EPB41L4A: variants seen among roughly 807,000 people sequenced by gnomAD.
EPB41L4A encodes band 4.1-like protein 4A.
EPB41L4A carries 100 observed loss-of-function variants against 108.6 expected under a neutral mutation model. The ratio of observed to expected loss-of-function variants is 0.92; its 90% CI spans 0.78 to 1.09. The LOEUF (loss-of-function observed/expected upper bound fraction) is 1.09, where lower values mean the gene tolerates loss of function less well. EPB41L4A is among the 50% of genes least tolerant of loss of function. The pLI, the probability that EPB41L4A is intolerant of heterozygous loss-of-function variation, is 0.00. For synonymous variants in EPB41L4A, 319 were observed against 289.0 expected, an observed-to-expected ratio of 1.10 and a Z score of -1.05; for missense variants, 1,030 against 842.7, an observed-to-expected ratio of 1.22 and a Z score of -2.75.
At chr5:112,251,363 T>A (rs190362826) in intron 9 of EPB41L4A, among the ~76,000 whole-genome samples, 1 of 152,242 alleles carries the variant, frequency 6.6e-6, no homozygotes, top group East Asian at 1.9e-4. Context: ...TGTAAAATAT[T>A]GAAAACTTTT....
chr5:112,373,713 T>C (rs1268518778), intron 1 of EPB41L4A, among the ~76,000 whole-genome samples: 1 of 152,162 alleles, frequency 6.6e-6, no homozygotes, highest in Non-Finnish European at 1.5e-5. Context: ...GTCCCCACTT[T>C]TGAGCTACAC....
At chr5:112,173,534 G>C (rs2150209932) in intron 18 of EPB41L4A, 1 of 138,370 alleles carries the variant, frequency 7.2e-6, no homozygotes, top group African/African-American at 2.7e-5. Context: ...TAGTTATCAG[G>C]AAAAAAAATA....
chr5:112,318,040 G>T (rs546492559), intron 1 of EPB41L4A, among the ~76,000 whole-genome samples: 22 of 152,234 alleles, frequency 1.4e-4, no homozygotes, highest in African/African-American at 5.3e-4. Flanking sequence ...TTAGATACCT[G>T]GAAAGCCAGT....
At chr5:112,351,062 A>C (rs1758011024) in intron 1 of EPB41L4A, among the ~76,000 whole-genome samples, 1 of 152,174 alleles carries the variant, frequency 6.6e-6, no homozygotes, top group Non-Finnish European at 1.5e-5. Flanking sequence ...AGGAAGAGAA[A>C]AATCTCCAAG....
chr5:112,408,221 C>T (rs914034895), intron 1 of EPB41L4A, among the ~76,000 whole-genome samples: 2 of 151,832 alleles, frequency 1.3e-5, no homozygotes, highest in Non-Finnish European at 2.9e-5. Flanking sequence ...GGTCATAGAC[C>T]TAAATGTAAG....
Position 112,211,319 on chromosome 5 carries a change from C to G in EPB41L4A, c.1088-1337G>C, listed in dbSNP as rs1043476754. 2.0e-5 allele frequency among the ~76,000 whole-genome samples: 3 copies of G among 152,290 alleles called. No individual in the cohort carries two copies. In the East Asian group the frequency reaches 5.8e-4, roughly 29 times the overall value. On this transcript the variant is annotated intron_variant, in intron 12 of 22. Transcript: ENST00000261486. ...GGCAAGTGGGCCAGGCGCAGTGGCT[C>G]ACGCCTGTCATCCCAGCACTTTGGG...
intron 1 of EPB41L4A, among the ~76,000 whole-genome samples, chr5:112,361,488 C>T (rs1234792507): frequency 1.3e-5 from 2 of 150,170 alleles, no homozygotes; most frequent in African/African-American, 4.9e-5. Flanking sequence ...AAATCCCCCT[C>T]TCCGAGAAAC....
chr5:112,337,734 C>T (rs1241397763), intron 1 of EPB41L4A, among the ~76,000 whole-genome samples: 1 of 152,126 alleles, frequency 6.6e-6, no homozygotes, highest in African/African-American at 2.4e-5. Flanking sequence ...AACAAAAGCC[C>T]TATCTGACCC....
intron 12 of EPB41L4A, among the ~76,000 whole-genome samples, chr5:112,157,024 T>C (rs1197781200): frequency 2.0e-5 from 3 of 152,078 alleles, no homozygotes; most frequent in Non-Finnish European, 2.9e-5. Flanking sequence ...GGCAGGGTAT[T>C]TGCCCCGAAA....
chr5:112,191,979 A>G (rs1761724482), intron 17 of EPB41L4A: 1 of 152,292 alleles, frequency 6.6e-6, no homozygotes, highest in African/African-American at 2.4e-5. Flanking sequence ...CATGTACAAG[A>G]TTCTGTTTGC....
At chr5:112,310,416 A>T (rs778005940) in intron 1 of EPB41L4A, among the ~76,000 whole-genome samples, 2 of 152,196 alleles carry the variant, frequency 1.3e-5, no homozygotes, top group Non-Finnish European at 2.9e-5. Flanking sequence ...ACCTCAATAA[A>T]AGAATAACTA....
rs1014417167 is a variant in EPB41L4A, at chr5:112,286,434, C to T, written c.205-6111G>A. 7.2e-5 allele frequency among the ~76,000 whole-genome samples: 11 copies of T among 152,186 alleles called. No homozygotes were observed. The South Asian group carries it at 2.3e-3, about 31-fold the overall frequency. ...CGCAGAATCCTACATTTTATTCCGT[C>T]ATTCTCCTTAATAATTCTTGACACT... On this transcript the variant is annotated intron_variant, in intron 2 of 22. Coordinates refer to ENST00000261486, the MANE Select transcript of EPB41L4A (RefSeq NM_022140.5).
At chr5:112,347,093 A>G (rs1038029414) in intron 1 of EPB41L4A, among the ~76,000 whole-genome samples, 1 of 152,222 alleles carries the variant, frequency 6.6e-6, no homozygotes, top group African/African-American at 2.4e-5. Context: ...TTCTGTGAGG[A>G]AACAGCAAAT....
chr5:112,275,447 T>G lies in EPB41L4A; in HGVS notation c.257-43A>C. On this transcript the variant is annotated intron_variant, in intron 3 of 22. Transcript: ENST00000261486. ...AATTAAATTTCACTAAAATCATAAATTAGTCAAAGTTACAGTATAATATTA... is the reference window on the plus strand; with the variant it reads ...AATTAAATTTCACTAAAATCATAAAGTAGTCAAAGTTACAGTATAATATTA... 6.1e-6 allele frequency: 9 copies of G among 1,486,782 alleles called. 2 individuals carry two copies. In the South Asian group the frequency reaches 1.1e-4, roughly 19 times the overall value. The allele number at this position is 1,486,782 out of a possible 1,614,324, so 92.1% of individuals were successfully genotyped here.
At chr5:112,343,152 T>C (rs1301349764) in intron 1 of EPB41L4A, among the ~76,000 whole-genome samples, 2 of 152,198 alleles carry the variant, frequency 1.3e-5, no homozygotes, top group East Asian at 3.9e-4. Flanking sequence ...GGTTCTCAAG[T>C]GCTTTGAAGC....
intron 1 of EPB41L4A, among the ~76,000 whole-genome samples, chr5:112,349,467 C>A (rs1757897678): frequency 6.6e-6 from 1 of 152,028 alleles, no homozygotes; most frequent in South Asian, 2.1e-4. Flanking sequence ...AGTGGGAAGA[C>A]CAGGATACCA....
intron 2 of EPB41L4A, among the ~76,000 whole-genome samples, chr5:112,292,331 C>T (rs143249821): frequency 2.0e-5 from 3 of 152,310 alleles, no homozygotes; most frequent in African/African-American, 4.8e-5. Flanking sequence ...CAAGAAACTT[C>T]CTGAATATCC....
chr5:112,355,854 T>G (rs1758329320), intron 1 of EPB41L4A, among the ~76,000 whole-genome samples: 1 of 152,200 alleles, frequency 6.6e-6, no homozygotes, highest in Non-Finnish European at 1.5e-5. Flanking sequence ...AGGTTGAGTT[T>G]CACTAGATCC....
At chr5:112,261,322 A>G (rs570130057) in intron 7 of EPB41L4A, among the ~76,000 whole-genome samples, 1 of 152,342 alleles carries the variant, frequency 6.6e-6, no homozygotes, top group Admixed American at 6.5e-5. Context: ...AGACATATAC[A>G]AAATGAATGC....
Sources: allele counts gnomAD v4.1 joint callset (sites outside exome capture counted in the v4.1 genomes callset), GRCh38; gene constraint gnomAD v4.1.1; transcripts MANE v1.5; gene names NCBI Gene and HGNC (gene_info 2026-07-23, HGNC 2026-07-21).